Variants in VWC2L observed in about 807,000 individuals in gnomAD.
The protein encoded by VWC2L is von Willebrand factor C domain containing 2 like, also known as von Willebrand factor C domain-containing protein 2-like.
A neutral mutation model predicts 21.6 loss-of-function variants in VWC2L; 10 were observed. The observed-to-expected ratio is 0.46, with a 90% CI of 0.29 to 0.78. The LOEUF is 0.78. VWC2L is among the 30% of genes least tolerant of loss of function. The pLI is 0.10. For synonymous variants in VWC2L, 96 were observed against 94.3 expected (o/e 1.02, Z -0.10); for missense variants, 209 against 277.1 (o/e 0.75, Z 1.74).
intron 3 of VWC2L, among the ~76,000 whole-genome samples, chr2:214,562,385 A>G (rs191661779): frequency 2.1e-4 from 32 of 152,254 alleles, no homozygotes; most frequent in African/African-American, 7.5e-4. Flanking sequence ...TCTTTATCCA[A>G]TCTATCATTG....
At chr2:214,496,157 G>A (rs1688808415) in intron 3 of VWC2L, among the ~76,000 whole-genome samples, 1 of 140,934 alleles carries the variant, frequency 7.1e-6, no homozygotes, top group African/African-American at 2.6e-5. Flanking sequence ...TAATACTATA[G>A]TGAATACTGT....
chr2:214,466,613 C>T (rs1703220794), intron 3 of VWC2L, among the ~76,000 whole-genome samples: 1 of 152,112 alleles, frequency 6.6e-6, no homozygotes, highest in Admixed American at 6.5e-5. Context: ...TAAAATTGTC[C>T]CATGGTTTAA....
intron 2 of VWC2L, among the ~76,000 whole-genome samples, chr2:214,418,469 A>G (rs757691068): frequency 1.1e-4 from 17 of 152,162 alleles, no homozygotes. Flanking sequence ...TCTACCCCAC[A>G]GCAATAATGT....
chr2:214,490,978 G>A (rs1243470740), intron 3 of VWC2L, among the ~76,000 whole-genome samples: 3 of 152,092 alleles, frequency 2.0e-5, no homozygotes, highest in Non-Finnish European at 4.4e-5. Flanking sequence ...TGACATTTCC[G>A]GAATATGTAC....
chr2:214,506,285 G>C (rs1054458573), intron 3 of VWC2L, among the ~76,000 whole-genome samples: 11 of 152,072 alleles, frequency 7.2e-5, no homozygotes, highest in Non-Finnish European at 1.2e-4. Flanking sequence ...AGCTTTTATA[G>C]ATCTATAAAA....
At chr2:214,487,639 G>A (rs188089596) in intron 3 of VWC2L, among the ~76,000 whole-genome samples, 1 of 152,122 alleles carries the variant, frequency 6.6e-6, no homozygotes, top group Non-Finnish European at 1.5e-5. Context: ...CAAAGACAAT[G>A]GGCCTTCCAT....
At chr2:214,546,899 A>G (rs1482734452) in intron 3 of VWC2L, among the ~76,000 whole-genome samples, 1 of 152,150 alleles carries the variant, frequency 6.6e-6, no homozygotes, top group Non-Finnish European at 1.5e-5. Flanking sequence ...AATACTAAGG[A>G]CAAAACCTAC....
chr2:214,420,680 A>G (rs1702425461), intron 2 of VWC2L, among the ~76,000 whole-genome samples: 1 of 152,186 alleles, frequency 6.6e-6, no homozygotes, highest in African/African-American at 2.4e-5. Context: ...TCATTTCTCA[A>G]CAAATGGGTA....
chr2:214,544,784 T>C (rs1689680142), intron 3 of VWC2L, among the ~76,000 whole-genome samples: 3 of 152,168 alleles, frequency 2.0e-5, no homozygotes, highest in South Asian at 4.1e-4. Flanking sequence ...TATTATGCTA[T>C]AGGGTATTCT....
intron 3 of VWC2L, among the ~76,000 whole-genome samples, chr2:214,459,504 G>A (rs557794852): frequency 6.6e-6 from 1 of 152,244 alleles, no homozygotes; most frequent in East Asian, 1.9e-4. Context: ...TTCTGTAGCA[G>A]TAACATTTGA....
chr2:214,468,152 G>A (rs1210269982), intron 3 of VWC2L, among the ~76,000 whole-genome samples: 1 of 152,018 alleles, frequency 6.6e-6, no homozygotes, highest in African/African-American at 2.4e-5. Flanking sequence ...GAGTAGCTGG[G>A]AATACAGCCA....
At chr2:214,457,139 C>A (rs535988726) in intron 3 of VWC2L, among the ~76,000 whole-genome samples, 1 of 152,024 alleles carries the variant, frequency 6.6e-6, no homozygotes, top group Admixed American at 6.6e-5. Flanking sequence ...TGCGTTGAGT[C>A]TCTAGAATGC....
In VWC2L at chr2:214,564,418, A is replaced by G. The variant is rs79514022; in HGVS notation, c.521-11254A>G. Reference sequence around the variant, plus strand: ...GCATCACACTGCTGGACTTCAAACTATACTACAAGGCAACAGTAACCAAAA... The same window carrying G: ...GCATCACACTGCTGGACTTCAAACTGTACTACAAGGCAACAGTAACCAAAA... On this transcript the variant is annotated intron_variant, in intron 3 of 3. Transcript: ENST00000312504. 5.3e-5 allele frequency among the ~76,000 whole-genome samples: 8 copies of G among 152,326 alleles called. No individual in the cohort carries two copies. In the East Asian group the frequency reaches 1.5e-3, roughly 29 times the overall value.
chr2:214,496,233 G>C (rs1688809552), intron 3 of VWC2L, among the ~76,000 whole-genome samples: 1 of 94,476 alleles, frequency 1.1e-5, no homozygotes, highest in Non-Finnish European at 2.5e-5. Flanking sequence ...ATCAAAATAA[G>C]GTATTACAAT....
chr2:214,544,629 G>A (rs1049964702), intron 3 of VWC2L, among the ~76,000 whole-genome samples: 6 of 152,084 alleles, frequency 3.9e-5, no homozygotes, highest in East Asian at 1.9e-4. Flanking sequence ...GAATAATGGC[G>A]AATGGCACAC....
intron 3 of VWC2L, among the ~76,000 whole-genome samples, chr2:214,451,180 CTA>C (rs1559294655): frequency 6.6e-6 from 1 of 151,922 alleles, no homozygotes; most frequent in Admixed American, 6.6e-5. Context: ...GACCCGCATT[CTA>C]TGTCTTAACA....
chr2:214,541,403 A>T (rs1057438910), intron 3 of VWC2L, among the ~76,000 whole-genome samples: 2 of 152,292 alleles, frequency 1.3e-5, no homozygotes, highest in Admixed American at 1.3e-4. Flanking sequence ...TCCCATTGTC[A>T]TTAGAGCTGC....
intron 2 of VWC2L, among the ~76,000 whole-genome samples, chr2:214,421,759 C>T (rs573833707): frequency 6.6e-6 from 1 of 150,722 alleles, no homozygotes; most frequent in African/African-American, 2.5e-5. Flanking sequence ...GATTTTAACT[C>T]CAACTGTACA....
At chr2:214,435,744 ATTTT>A (rs1413116517) in intron 2 of VWC2L, among the ~76,000 whole-genome samples, 1 of 152,160 alleles carries the variant, frequency 6.6e-6, no homozygotes, top group Non-Finnish European at 1.5e-5. Flanking sequence ...TCATTCCAGA[ATTTT>A]AAACTGCTGT....
Sources: gnomAD v4.1 joint callset for allele counts (sites outside exome capture counted in the v4.1 genomes callset) on GRCh38, gnomAD v4.1.1 for gene constraint, MANE v1.5 for transcripts, NCBI Gene and HGNC (gene_info 2026-07-23, HGNC 2026-07-21) for gene names.